Variants in PIK3C3 observed in about 807,000 individuals in gnomAD.
PIK3C3 encodes the protein PI3-kinase type 3.
A neutral mutation model predicts 126.1 loss-of-function variants in PIK3C3; 95 were observed. The ratio of observed to expected loss-of-function variants is 0.75; its 90% CI spans 0.64 to 0.89. PIK3C3 has a LOEUF of 0.89. PIK3C3 is among the 40% of genes least tolerant of loss of function. The pLI, the probability that PIK3C3 is intolerant of heterozygous loss-of-function variation, is 0.00. For synonymous variants in PIK3C3, 374 were observed against 360.0 expected, an observed-to-expected ratio of 1.04 and a Z score of -0.44; for missense variants, 829 against 1,063.2, an observed-to-expected ratio of 0.78 and a Z score of 3.06.
At chr18:42,069,586 A>T (rs587686) in intron 24 of PIK3C3, among the ~76,000 whole-genome samples, 1 of 151,976 alleles carries the variant, frequency 6.6e-6, no homozygotes, top group African/African-American at 2.4e-5. Context: ...CAACTAGTTA[A>T]AACATGCTTG....
intron 24 of PIK3C3, among the ~76,000 whole-genome samples, chr18:42,078,369 G>A (rs1986109967): frequency 1.6e-5 from 2 of 124,068 alleles, no homozygotes; most frequent in African/African-American, 3.3e-5. Context: ...GGGCAACAGA[G>A]CGAGACTCTG....
rs1986346155 is a variant in PIK3C3 at position 42,084,300 on chromosome 18, A to T, written c.*3163A>T. 6.6e-6 allele frequency: 1 copy of T among 152,176 alleles called. No homozygotes were observed. The highest frequency in any genetic ancestry group is 2.1e-4 in the South Asian group (1 of 4,828). 9.4% of individuals were successfully genotyped at this position (152,176 alleles called of 1,614,324 possible). A position where few individuals can be genotyped will look rare whatever the true frequency, so the allele number is the denominator to read the frequency against. Reference sequence around the variant, plus strand: ...TACTAATGTTTATTTTAGAGAGATCACACAACTTCAAATAAAAACTGACAT... The same window carrying T: ...TACTAATGTTTATTTTAGAGAGATCTCACAACTTCAAATAAAAACTGACAT... On this transcript the variant is annotated 3_prime_UTR_variant, in exon 25 of 25. Transcript: ENST00000262039.
At chr18:42,077,500 C>T (rs1247135370) in intron 24 of PIK3C3, among the ~76,000 whole-genome samples, 1 of 152,196 alleles carries the variant, frequency 6.6e-6, no homozygotes, top group Non-Finnish European at 1.5e-5. Flanking sequence ...AGCATCTTCA[C>T]CATGAATTGA....
At chr18:41,995,124 A>G (rs1001170391) in intron 7 of PIK3C3, among the ~76,000 whole-genome samples, 1 of 149,462 alleles carries the variant, frequency 6.7e-6, no homozygotes, top group African/African-American at 2.5e-5. Context: ...AATAAAATAA[A>G]TGATTGATAA....
rs1986243554 is a variant in PIK3C3, at chr18:42,081,351, A to G, written c.*214A>G. ...TGAAGGGCTTGTTTTGAAATATTGT[A>G]TATATTTTTTCAAATGTATACATTG... On this transcript the variant is annotated 3_prime_UTR_variant, in exon 25 of 25. Coordinates refer to ENST00000262039, the MANE Select transcript of PIK3C3 (RefSeq NM_002647.4). The G allele has an allele frequency of 2.4e-6, 1 of 415,502 alleles. No individual in the cohort carries two copies. Among genetic ancestry groups the G allele is most frequent in the Non-Finnish European group, 4.4e-6 (1 of 228,658 alleles). The allele number at this position is 415,502 out of a possible 1,614,324, so 25.7% of individuals were successfully genotyped here.
At chr18:41,955,496 C>T in intron 1 of PIK3C3, 137 bp downstream of exon 1, 2 of 687,902 alleles carry the variant, frequency 2.9e-6, no homozygotes, top group East Asian at 2.7e-5. Flanking sequence ...AGGGCTGTAG[C>T]CAGGGAGGCG....
At chr18:41,972,022 T>C (rs899121903) in intron 4 of PIK3C3, among the ~76,000 whole-genome samples, 10 of 152,114 alleles carry the variant, frequency 6.6e-5, no homozygotes, top group African/African-American at 2.4e-4. Context: ...GTAACAACTA[T>C]GACATTTTTC....
intron 10 of PIK3C3, among the ~76,000 whole-genome samples, chr18:42,013,113 C>CTTT (rs67564071): frequency 2.2e-5 from 3 of 136,822 alleles, no homozygotes; most frequent in African/African-American, 5.4e-5. Flanking sequence ...ATCCTTCCCA[C>CTTT]TTTTTTTTTT....
intron 1 of PIK3C3, 130 bp downstream of exon 1, chr18:41,955,489 G>T (rs761546662): frequency 2.3e-5 from 17 of 744,338 alleles, no homozygotes; most frequent in Non-Finnish European, 3.6e-5. Flanking sequence ...GGCTGTGAGG[G>T]CTGTAGCCAG....
intron 7 of PIK3C3, among the ~76,000 whole-genome samples, chr18:41,995,334 C>G (rs1051746758): frequency 2.6e-5 from 4 of 151,918 alleles, no homozygotes; most frequent in Non-Finnish European, 2.9e-5. Context: ...TTCACACATG[C>G]AATAAAAAAT....
chr18:42,073,025 G>A (rs531160683), intron 24 of PIK3C3, among the ~76,000 whole-genome samples: 1 of 152,220 alleles, frequency 6.6e-6, no homozygotes, highest in Non-Finnish European at 1.5e-5. Flanking sequence ...CTTGAGAAAG[G>A]GGTGTGTTTT....
rs527643894 is a variant in PIK3C3 at position 42,064,803 on chromosome 18, A to C, written c.2496A>C (p.Ala832=). Residue 832 remains alanine, a synonymous_variant, in exon 23 of 25, where the codon GCA becomes GCC. Coordinates refer to ENST00000262039, the MANE Select transcript of PIK3C3 (RefSeq NM_002647.4). The part of the protein sequence containing the change: ...LMVDANIPDI[A]LEPDKTVKKV... ...TTGATGCAAACATTCCAGATATTGC[A>C]CTTGAACCAGATAAAACTGTGAAAA... is the stretch of plus-strand genomic sequence containing the variant. 10 of 1,598,820 alleles carry C rather than the reference A, an allele frequency of 6.3e-6. No individual in the cohort carries two copies. In the East Asian group the frequency reaches 1.8e-4, roughly 29 times the overall value.
rs1223065433 is a variant in PIK3C3, at chr18:42,083,804, G to A, written c.*2667G>A. The A allele has an allele frequency of 6.6e-6, 1 of 152,134 alleles. No individual in the cohort carries two copies. Among genetic ancestry groups the A allele is most frequent in the African/African-American group, 2.4e-5 (1 of 41,418 alleles). The allele number at this position is 152,134 out of a possible 1,614,324, so 9.4% of individuals were successfully genotyped here. ...ATAAGCTGCTGGTGAGAGCAGAGTTGGGATTTGAAGTCGAGTTAGACCCCA... is the reference window on the plus strand; with the variant it reads ...ATAAGCTGCTGGTGAGAGCAGAGTTAGGATTTGAAGTCGAGTTAGACCCCA... On this transcript the variant is annotated 3_prime_UTR_variant, in exon 25 of 25. Transcript: ENST00000262039.
chr18:42,053,571 G>T (rs910987778), intron 21 of PIK3C3, among the ~76,000 whole-genome samples: 3 of 152,032 alleles, frequency 2.0e-5, no homozygotes, highest in African/African-American at 7.2e-5. Context: ...ACAAAGCTAG[G>T]CTGTGGTGTG....
At chr18:42,073,735 T>A (rs1048683617) in intron 24 of PIK3C3, among the ~76,000 whole-genome samples, 2 of 151,680 alleles carry the variant, frequency 1.3e-5, no homozygotes, top group East Asian at 1.9e-4. Context: ...TTTTTTTTTT[T>A]AATTTGTATT....
chr18:42,060,394 G>A (rs1197438351), intron 22 of PIK3C3, among the ~76,000 whole-genome samples: 1 of 152,036 alleles, frequency 6.6e-6, no homozygotes, highest in East Asian at 1.9e-4. Flanking sequence ...CCACACTTAT[G>A]CCAAACACCA....
chr18:42,047,749 T>C (rs1294074782), intron 20 of PIK3C3, among the ~76,000 whole-genome samples: 2 of 152,210 alleles, frequency 1.3e-5, no homozygotes, highest in East Asian at 3.9e-4. Flanking sequence ...TTGTGGCTGC[T>C]GCCCCTAAAA....
rs1986371773 is a variant in PIK3C3, at chr18:42,085,069, T to TG, written c.*3935dup. On this transcript the variant is annotated 3_prime_UTR_variant, in exon 25 of 25. Transcript: ENST00000262039. Reference sequence around the variant, plus strand: ...TTCATTTTCCCTTTCTTGTCCATAGTGGGAAAAAATAATTTTTAACTGGCT... The same window carrying TG: ...TTCATTTTCCCTTTCTTGTCCATAGTGGGGAAAAAATAATTTTTAACTGGCT... 1 of 152,154 alleles carries TG rather than the reference T, an allele frequency of 6.6e-6. No homozygotes were observed. The highest frequency in any genetic ancestry group is 6.5e-5 in the Admixed American group (1 of 15,270). The allele number at this position is 152,154 out of a possible 1,614,324, so 9.4% of individuals were successfully genotyped here. A position where few individuals can be genotyped will look rare whatever the true frequency, so the allele number is the denominator to read the frequency against.
At chr18:42,063,443 A>C (rs1028695275) in intron 22 of PIK3C3, among the ~76,000 whole-genome samples, 7 of 152,324 alleles carry the variant, frequency 4.6e-5, no homozygotes, top group East Asian at 1.9e-4. Context: ...GCATTTATCA[A>C]TTCCCACAAA....
Sources: gnomAD v4.1 joint callset for allele counts (sites outside exome capture counted in the v4.1 genomes callset) on GRCh38, gnomAD v4.1.1 for gene constraint, MANE v1.5 for transcripts, NCBI Gene and HGNC (gene_info 2026-07-23, HGNC 2026-07-21) for gene names.